Variants in DAB1 observed in about 807,000 individuals in gnomAD.
The protein encoded by DAB1 is disabled homolog 1.
In DAB1, 15 loss-of-function variants were observed where a neutral mutation model predicts 64.6. The observed-to-expected ratio is 0.23, with a 90% CI of 0.16 to 0.36. The LOEUF is 0.36. DAB1 is among the 10% of genes least tolerant of loss of function. The pLI, the probability that DAB1 is intolerant of heterozygous loss-of-function variation, is 1.00. For synonymous variants in DAB1, 235 were observed against 251.9 expected, an observed-to-expected ratio of 0.93 and a Z score of 0.64; for missense variants, 596 against 706.7, an observed-to-expected ratio of 0.84 and a Z score of 1.78.
chr1:58,474,148 A>G (rs1223143074), intron 3 of DAB1, among the ~76,000 whole-genome samples: 1 of 152,184 alleles, frequency 6.6e-6, no homozygotes, highest in Non-Finnish European at 1.5e-5. Context: ...CCTGCCCTCA[A>G]GGAGCTTTCA....
At chr1:57,815,354 C>A (rs1651807970) in intron 6 of DAB1, among the ~76,000 whole-genome samples, 1 of 152,094 alleles carries the variant, frequency 6.6e-6, no homozygotes, top group African/African-American at 2.4e-5. Context: ...AGGCATGAGA[C>A]CCCATGCCCG....
At chr1:57,026,482 G>T (rs1428724382) in intron 9 of DAB1, among the ~76,000 whole-genome samples, 1 of 152,050 alleles carries the variant, frequency 6.6e-6, no homozygotes, top group East Asian at 1.9e-4. Flanking sequence ...GTCAGTAAGG[G>T]CTCCCAATAG....
Position 57,758,970 on chromosome 1 carries a change from T to C in DAB1, n.552-109305A>G, listed in dbSNP as rs965109144. Among the ~76,000 whole-genome samples the C allele has an allele frequency of 1.6e-4, 25 of 152,320 alleles. No homozygotes were observed. In the Middle Eastern group the frequency reaches 0.01, roughly 62 times the overall value. On this transcript the variant is annotated intron_variant and non_coding_transcript_variant, in intron 6 of 20. Coordinates refer to the DAB1 transcript ENST00000485760. ...CACCGGGTTCTTGTAATTACCTCTT[T>C]GGAAGAAGATCACCTCAGCTCTTTA... is the stretch of plus-strand genomic sequence containing the variant.
At chr1:57,551,586 A>T (rs573930973) in intron 7 of DAB1, among the ~76,000 whole-genome samples, 1 of 152,202 alleles carries the variant, frequency 6.6e-6, no homozygotes, top group African/African-American at 2.4e-5. Context: ...AGGATGGGAG[A>T]GGGGGTGGCG....
chr1:58,523,198 G>A (rs1376733664), intron 2 of DAB1, among the ~76,000 whole-genome samples: 1 of 152,134 alleles, frequency 6.6e-6, no homozygotes, highest in Non-Finnish European at 1.5e-5. Flanking sequence ...TCTAAGATCT[G>A]TATATTGAAA....
At chr1:57,815,303 C>T (rs1347580799) in intron 6 of DAB1, among the ~76,000 whole-genome samples, 1 of 152,030 alleles carries the variant, frequency 6.6e-6, no homozygotes, top group Non-Finnish European at 1.5e-5. Flanking sequence ...CTCCTGACCT[C>T]GTGATCTGCC....
intron 1 of DAB1, among the ~76,000 whole-genome samples, chr1:57,398,522 C>T (rs2101023477): frequency 6.6e-6 from 1 of 152,270 alleles, no homozygotes; most frequent in African/African-American, 2.4e-5. Flanking sequence ...TTTTTCTCCC[C>T]TTTGGGAACT....
intron 1 of DAB1, among the ~76,000 whole-genome samples, chr1:57,838,497 T>C (rs1046528108): frequency 6.6e-6 from 1 of 152,132 alleles, no homozygotes; most frequent in African/African-American, 2.4e-5. Flanking sequence ...GTGGAAAGTA[T>C]AGAAATATAT....
intron 4 of DAB1, among the ~76,000 whole-genome samples, chr1:58,286,490 T>C (rs1437200349): frequency 6.6e-6 from 1 of 151,980 alleles, no homozygotes; most frequent in Non-Finnish European, 1.5e-5. Flanking sequence ...AACAACCACA[T>C]TGAAAAGTGG....
intron 7 of DAB1, among the ~76,000 whole-genome samples, chr1:57,590,970 T>G (rs1645439559): frequency 2.0e-5 from 3 of 152,208 alleles, no homozygotes; most frequent in African/African-American, 7.2e-5. Context: ...ATCAAATTCT[T>G]TAGAGATGAG....
At chr1:58,486,183 G>A (rs1158284937) in intron 3 of DAB1, among the ~76,000 whole-genome samples, 4 of 152,176 alleles carry the variant, frequency 2.6e-5, no homozygotes, top group Admixed American at 2.0e-4. Context: ...CAAAGAGAGG[G>A]GGACAAGGCA....
At chr1:58,011,809 G>T (rs1280102295) in intron 5 of DAB1, among the ~76,000 whole-genome samples, 1 of 151,996 alleles carries the variant, frequency 6.6e-6, no homozygotes, top group East Asian at 1.9e-4. Context: ...CTCCTGTTCA[G>T]CCTCCCAAGT....
At chr1:57,449,153 A>G (rs139234904) in intron 7 of DAB1, among the ~76,000 whole-genome samples, 1 of 152,324 alleles carries the variant, frequency 6.6e-6, no homozygotes, top group East Asian at 1.9e-4. Context: ...AGCCCAACAT[A>G]ATGATCCCAC....
At chr1:57,273,590 C>T (rs1671205018) in intron 2 of DAB1, among the ~76,000 whole-genome samples, 1 of 121,460 alleles carries the variant, frequency 8.2e-6, no homozygotes, top group African/African-American at 3.5e-5. Flanking sequence ...TTCCTTCCTT[C>T]CTTCCTTCCT....
intron 3 of DAB1, among the ~76,000 whole-genome samples, chr1:58,457,516 G>GA (rs903466164): frequency 2.0e-4 from 31 of 152,256 alleles, no homozygotes; most frequent in African/African-American, 6.5e-4. Context: ...ACAGATTAGG[G>GA]AAAAAAATCC....
At chr1:57,757,220 T>TTGTTTTTTTTTTTTTTTTG (rs200688727) in intron 6 of DAB1, among the ~76,000 whole-genome samples, 1 of 120,152 alleles carries the variant, frequency 8.3e-6, no homozygotes, top group Admixed American at 9.7e-5. Context: ...TTTTTTTTTT[T>TTGTTTTTTTTTTTTTTTTG]AGCAGCAATG....
intron 6 of DAB1, among the ~76,000 whole-genome samples, chr1:57,786,707 T>G (rs1369201366): frequency 6.6e-6 from 1 of 151,948 alleles, no homozygotes; most frequent in African/African-American, 2.4e-5. Context: ...AGTGGTAGAG[T>G]GAGGCTTCAA....
intron 3 of DAB1, among the ~76,000 whole-genome samples, chr1:58,415,221 A>G (rs79765317): frequency 0.037 from 5,684 of 152,246 alleles, 124 homozygotes; most frequent in African/African-American, 0.064. Flanking sequence ...AAGCCAGAAG[A>G]AGAGTCCTCA....
At position 57,398,665 on chromosome 1, in the gene DAB1, A is replaced by C. The variant is rs574053757; in HGVS notation, c.-137+25265T>G. On this transcript the variant is annotated intron_variant, in intron 1 of 14. Coordinates refer to ENST00000371236, the MANE Select transcript of DAB1 (RefSeq NM_001365792.1). ...TATTTCTTTCCTATCTTAAAATGAA[A>C]GGCAAAACACCCCATGTTTACAAGT... Among the ~76,000 whole-genome samples, 4 of 152,282 alleles carry C rather than the reference A, an allele frequency of 2.6e-5. No homozygotes were observed. The South Asian group carries it at 6.2e-4, about 24-fold the overall frequency.
Sources: allele counts gnomAD v4.1 joint callset (sites outside exome capture counted in the v4.1 genomes callset), GRCh38; gene constraint gnomAD v4.1.1; transcripts MANE v1.5; gene names NCBI Gene and HGNC (gene_info 2026-07-23, HGNC 2026-07-21).